PAPOLB: variants seen among roughly 807,000 people sequenced by gnomAD.
PAPOLB encodes poly(A) polymerase beta, also known as PAP-beta.
A neutral mutation model predicts 23.2 loss-of-function variants in PAPOLB; 19 were observed. The observed-to-expected ratio is 0.82, with a 90% confidence interval of 0.57 to 1.20. The LOEUF is 1.20. Ranked by LOEUF, PAPOLB falls within the 50% of genes most tolerant of loss-of-function variation. The probability of loss-of-function intolerance (pLI) is 0.00; values close to 1 mark genes in which losing one functional copy is unlikely to be tolerated. For missense variants in PAPOLB, 822 were observed against 776.8 expected, an observed-to-expected ratio of 1.06 and a Z score of -0.69; for synonymous variants, 360 against 290.7, an observed-to-expected ratio of 1.24 and a Z score of -2.43.
Position 4,860,847 on chromosome 7 carries a change from G to A in PAPOLB, c.964C>T (p.Pro322Ser). Residue 322 changes from proline (P) to serine (S), a missense_variant, in exon 1 of 1, where the codon CCA becomes TCA. Transcript: ENST00000404991. ...ACGTTGTATGTGGAGTTCTGCTGTG[G>A]GTATGCTGGTGTGATGATAGGCATA... ...HLMPIITPAY[P>S]QQNSTYNVSI... 1 of 1,614,066 alleles carries A rather than the reference G, an allele frequency of 6.2e-7. No homozygotes were observed. Among genetic ancestry groups the A allele is most frequent in the Non-Finnish European group, 8.5e-7 (1 of 1,179,992 alleles).
rs1232353624 is a variant in PAPOLB, at chr7:4,861,282, G to C, written c.529C>G (p.Gln177Glu). ...AAGTCCAAATCTTCTGGAATAGTCT[G>C]TAGTGCTAATCTTGCAAATAAAATA... ...IDILFARLALQTIPEDLDLRD... is the reference protein window; with the variant it reads ...IDILFARLALETIPEDLDLRD... Residue 177 changes from glutamine to glutamate, a missense_variant, in exon 1 of 1, where the codon CAG (glutamine) becomes GAG (glutamate). Coordinates refer to ENST00000404991, the MANE Select transcript of PAPOLB (RefSeq NM_020144.5). The C allele has an allele frequency of 1.9e-6, 3 of 1,614,010 alleles. No homozygotes were observed. Among genetic ancestry groups the C allele is most frequent in the African/African-American group, 2.7e-5 (2 of 74,954 alleles).
Position 4,861,911 on chromosome 7 carries a change from G to T in PAPOLB, c.-101C>A. 2 of 780,162 alleles carry T rather than the reference G, an allele frequency of 2.6e-6. No individual in the cohort carries two copies. Among genetic ancestry groups the T allele is most frequent in the Non-Finnish European group, 1.9e-6 (1 of 532,444 alleles). The allele number at this position is 780,162 out of a possible 1,614,324, so 48.3% of individuals were successfully genotyped here. ...CTGAGGCGGAAGGGCAGGGCTTCTA[G>T]CTGCCCTGGTCCGACCCCACTCCCA... On this transcript the variant is annotated 5_prime_UTR_variant, in exon 1 of 1. Transcript: ENST00000404991.
Position 4,860,619 on chromosome 7 carries a change from T to C in PAPOLB, c.1192A>G (p.Lys398Glu). 6.2e-7 allele frequency: 1 copy of C among 1,614,198 alleles called. No homozygotes were observed. Among genetic ancestry groups the C allele is most frequent in the East Asian group, 2.2e-5 (1 of 44,890 alleles). Residue 398 changes from lysine (K) to glutamate (E), a missense_variant, in exon 1 of 1, where the codon AAG (lysine) becomes GAG (glutamate). Physicochemically the swap from Lys to Glu is moderately conservative, Grantham distance 56 (BLOSUM62 1). Coordinates refer to ENST00000404991, the MANE Select transcript of PAPOLB (RefSeq NM_020144.5). ...AAGCTCCCAACCAGGATTCGGATCT[T>C]TGATTCCACCAAGCCCACCCATTCT... ...HLEWVGLVESKIRILVGSLEK... is the reference protein window; with the variant it reads ...HLEWVGLVESEIRILVGSLEK...
chr7:4,861,783 C>T lies in PAPOLB; in HGVS notation c.28G>A (p.Gly10Arg), dbSNP rs767568411. 1.2e-5 allele frequency: 17 copies of T among 1,472,630 alleles called. No homozygotes were observed. The highest frequency in any genetic ancestry group is 2.6e-5 in the Admixed American group (1 of 38,798). 91.2% of individuals were successfully genotyped at this position (1,472,630 alleles called of 1,614,324 possible). MMPFPVTTQGPPQPAPPPNR... is the reference protein window; with the variant it reads MMPFPVTTQRPPQPAPPPNR... ...GGCGGCGGCGCCGGCTGCGGTGGTCCCTGGGTTGTCACCGGAAACGGCATC... is the reference window on the plus strand; with the variant it reads ...GGCGGCGGCGCCGGCTGCGGTGGTCTCTGGGTTGTCACCGGAAACGGCATC... The change falls in exon 1 of 1, where the codon GGA becomes AGA. Residue 10 changes from glycine (G) to arginine (R), a missense_variant. Gly to Arg is a moderately radical substitution (Grantham distance 125). This residue lies in a region of PAPOLB where 276 missense variants were observed against 243.9 expected (regional missense o/e 1.13). Coordinates refer to ENST00000404991, the MANE Select transcript of PAPOLB (RefSeq NM_020144.5).
In PAPOLB at chr7:4,861,750, A is replaced by G. The variant is rs1784007884; in HGVS notation, c.61T>C (p.Tyr21His). 1 of 1,504,996 alleles carries G rather than the reference A, an allele frequency of 6.6e-7. No homozygotes were observed. Among genetic ancestry groups the G allele is most frequent in the Non-Finnish European group, 8.9e-7 (1 of 1,129,436 alleles). 93.2% of individuals were successfully genotyped at this position (1,504,996 alleles called of 1,614,324 possible). ...AGACTGATAGGCGAGGAGACGCCGTAGCGATTCGGCGGCGGCGCCGGCTGC... is the reference window on the plus strand; with the variant it reads ...AGACTGATAGGCGAGGAGACGCCGTGGCGATTCGGCGGCGGCGCCGGCTGC... ...PPQPAPPPNR[Y>H]GVSSPISLAV... Residue 21 changes from tyrosine to histidine, a missense_variant, in exon 1 of 1, where the codon TAC (tyrosine) becomes CAC (histidine). Tyr to His is a moderately conservative substitution (Grantham distance 83). This residue lies in a region of PAPOLB where 276 missense variants were observed against 243.9 expected (regional missense o/e 1.13). Coordinates refer to ENST00000404991, the MANE Select transcript of PAPOLB (RefSeq NM_020144.5).
chr7:4,860,336 TTTC>T lies in PAPOLB; in HGVS notation c.1472_1474del (p.Arg491del). The T allele has an allele frequency of 1.2e-6, 2 of 1,614,008 alleles. No homozygotes were observed. The highest frequency in any genetic ancestry group is 1.7e-6 in the Non-Finnish European group (2 of 1,179,858). ...ATGAGGCAGCAGCTGGTGAAGTTCC[TTTC>T]TTCTTAAATGCATTGCAGTAATTTT... On this transcript the variant is annotated inframe_deletion, in exon 1 of 1. Coordinates refer to ENST00000404991, the MANE Select transcript of PAPOLB (RefSeq NM_020144.5).
chr7:4,860,817 T>G lies in PAPOLB; in HGVS notation c.994A>C (p.Ile332Leu). The G allele has an allele frequency of 6.2e-7, 1 of 1,614,196 alleles. No homozygotes were observed. The highest frequency in any genetic ancestry group is 8.5e-7 in the Non-Finnish European group (1 of 1,180,042). ...PQQNSTYNVS[I>L]STRMVMIEEF... ...TCAATCATGACCATCCTGGTTGAAATAGACACGTTGTATGTGGAGTTCTGC... is the reference window on the plus strand; with the variant it reads ...TCAATCATGACCATCCTGGTTGAAAGAGACACGTTGTATGTGGAGTTCTGC... Residue 332 changes from isoleucine (I) to leucine (L), a missense_variant, in exon 1 of 1, where the codon ATT becomes CTT. This residue lies in a region of PAPOLB where 534 missense variants were observed against 502.8 expected (regional missense o/e 1.06). Coordinates refer to ENST00000404991, the MANE Select transcript of PAPOLB (RefSeq NM_020144.5).
In PAPOLB at chr7:4,858,158, G is replaced by A. The variant is rs1231047477; in HGVS notation, c.*1739C>T. The A allele has an allele frequency of 6.6e-6, 1 of 152,274 alleles. No homozygotes were observed. The highest frequency in any genetic ancestry group is 6.5e-5 in the Admixed American group (1 of 15,270). The allele number at this position is 152,274 out of a possible 1,614,324, so 9.4% of individuals were successfully genotyped here. A position where few individuals can be genotyped will look rare whatever the true frequency, so the allele number is the denominator to read the frequency against. On this transcript the variant is annotated 3_prime_UTR_variant, in exon 1 of 1. Coordinates refer to ENST00000404991, the MANE Select transcript of PAPOLB (RefSeq NM_020144.5). ...TAGATATCAGAAAGTAATGGTGAAA[G>A]AAAAGTCTCTACAGCATAAAAGGAC...
At position 4,861,687 on chromosome 7, in the gene PAPOLB, T is replaced by C; in HGVS notation, c.124A>G (p.Arg42Gly). 1 of 1,586,782 alleles carries C rather than the reference T, an allele frequency of 6.3e-7. No individual in the cohort carries two copies. Among genetic ancestry groups the C allele is most frequent in the Non-Finnish European group, 8.6e-7 (1 of 1,167,694 alleles). Residue 42 changes from arginine to glycine, a missense_variant, in exon 1 of 1, where the codon AGG becomes GGG. By Grantham distance (125) the Arg-to-Gly change is moderately radical (BLOSUM62 -2). Around this residue, in one of 3 missense-constraint regions of PAPOLB, gnomAD observed 276 missense variants for 243.9 expected, o/e 1.13. Transcript: ENST00000404991. ...PKETDCLLTQ[R>G]LIETLRPFGV... is the part of the protein sequence containing the mutation. ...AAGGGCCTGAGGGTTTCTATTAGCC[T>C]CTGGGTGAGGAGGCAGTCCGTCTCC...
rs984137377 is a variant in PAPOLB, at chr7:4,858,477, A to C, written c.*1420T>G. 3 of 152,608 alleles carry C rather than the reference A, an allele frequency of 2.0e-5. No homozygotes were observed. Among genetic ancestry groups the C allele is most frequent in the African/African-American group, 7.2e-5 (3 of 41,466 alleles). 9.5% of individuals were successfully genotyped at this position (152,608 alleles called of 1,614,324 possible). On this transcript the variant is annotated 3_prime_UTR_variant, in exon 1 of 1. Transcript: ENST00000404991. ...AGACTAAAAGAGCAGAAAGCCAGTA[A>C]GATGTCAAGTGCTTGCTAGAAATTA...
rs199530978 is a variant in PAPOLB at position 4,861,125 on chromosome 7, T to C, written c.686A>G (p.Lys229Arg). ...GATATTGTGGCACTTGGCCCACAGT[T>C]TGATGGCTCTCAGAGTCAGCCTGAA... ...DNFRLTLRAI[K>R]LWAKCHNIYS... The change falls in exon 1 of 1, where the codon AAA (lysine) becomes AGA (arginine). Residue 229 changes from lysine (K) to arginine (R), a missense_variant. Lys to Arg is a conservative substitution (Grantham distance 26, BLOSUM62 2). Coordinates refer to ENST00000404991, the MANE Select transcript of PAPOLB (RefSeq NM_020144.5). 265 of 1,614,232 alleles carry C rather than the reference T, an allele frequency of 1.6e-4. No individual in the cohort carries two copies. The highest frequency in any genetic ancestry group is 2.8e-4 in the Admixed American group (17 of 60,026).
rs776835946 is a variant in PAPOLB, at chr7:4,859,939, T to C, written c.1872A>G (p.Pro624=). The change falls in exon 1 of 1, where the codon CCA becomes CCG. Residue 624 remains proline (P), a synonymous_variant. Coordinates refer to ENST00000404991, the MANE Select transcript of PAPOLB (RefSeq NM_020144.5). ...TTTGTTGCTGAGTTTCCTGAAGGTCTGGATGGCTTATGAGACATGTTGAAG... is the reference window on the plus strand; with the variant it reads ...TTTGTTGCTGAGTTTCCTGAAGGTCCGGATGGCTTATGAGACATGTTGAAG... ...VVSSTCLISH[P]DLQETQQQTY... 2 of 1,613,868 alleles carry C rather than the reference T, an allele frequency of 1.2e-6. No individual in the cohort carries two copies.
chr7:4,860,298 C>G lies in PAPOLB; in HGVS notation c.1513G>C (p.Asp505His), dbSNP rs769369052. ...HQLLPHHVLQ[D>H]KKAHSTEGRR... ...CCTTCTGTTGAGTGTGCTTTCTTGT[C>G]CTGAAGCACATGATGAGGCAGCAGC... The change falls in exon 1 of 1, where the codon GAC (aspartate) becomes CAC (histidine). Residue 505 changes from aspartate (D) to histidine (H), a missense_variant. Coordinates refer to ENST00000404991, the MANE Select transcript of PAPOLB (RefSeq NM_020144.5). The G allele has an allele frequency of 6.2e-7, 1 of 1,613,800 alleles. No homozygotes were observed. Among genetic ancestry groups the G allele is most frequent in the East Asian group, 2.2e-5 (1 of 44,896 alleles).
rs529280090 is a variant in PAPOLB, at chr7:4,857,891, G to C, written c.*2006C>G. The C allele has an allele frequency of 3.9e-5, 6 of 152,644 alleles. No homozygotes were observed. In the East Asian group the frequency reaches 9.6e-4, roughly 25 times the overall value. The allele number at this position is 152,644 out of a possible 1,614,324, so 9.5% of individuals were successfully genotyped here. A position where few individuals can be genotyped will look rare whatever the true frequency, so the allele number is the denominator to read the frequency against. On this transcript the variant is annotated 3_prime_UTR_variant, in exon 1 of 1. Transcript: ENST00000404991. ...CATGAAAAAATGGTCTGACATTCAG[G>C]TAATAAAAATTAGAAATAAAAAGTC...
Position 4,861,108 on chromosome 7 carries a change from G to A in PAPOLB, c.703C>T (p.His235Tyr). ...LRAIKLWAKC[H>Y]NIYSNILGFL... is the part of the protein sequence containing the mutation. ...CCTAATATATTGGAATAGATATTGT[G>A]GCACTTGGCCCACAGTTTGATGGCT... Residue 235 changes from histidine (H) to tyrosine (Y), a missense_variant, in exon 1 of 1, where the codon CAC becomes TAC. Physicochemically the swap from His to Tyr is moderately conservative, Grantham distance 83. Around this residue, in one of 3 missense-constraint regions of PAPOLB, gnomAD observed 534 missense variants for 502.8 expected, o/e 1.06. Transcript: ENST00000404991. The A allele has an allele frequency of 6.2e-7, 1 of 1,614,198 alleles. No individual in the cohort carries two copies. Among genetic ancestry groups the A allele is most frequent in the Non-Finnish European group, 8.5e-7 (1 of 1,180,020 alleles).
Position 4,860,827 on chromosome 7 carries a change from G to C in PAPOLB, c.984C>G (p.Tyr328Ter). 1.2e-6 allele frequency: 2 copies of C among 1,614,148 alleles called. No individual in the cohort carries two copies. Among genetic ancestry groups the C allele is most frequent in the Non-Finnish European group, 1.7e-6 (2 of 1,180,024 alleles). The change falls in exon 1 of 1, where the codon TAC (tyrosine) becomes TAG (stop). Residue 328 changes from tyrosine to a stop codon, truncating the protein, a stop_gained. Transcript: ENST00000404991. LOFTEE classifies it high-confidence loss of function. ...TPAYPQQNST[Y>*]NVSISTRMVM... ...CCATCCTGGTTGAAATAGACACGTTGTATGTGGAGTTCTGCTGTGGGTATG... is the reference window on the plus strand; with the variant it reads ...CCATCCTGGTTGAAATAGACACGTTCTATGTGGAGTTCTGCTGTGGGTATG...
rs780454400 is a variant in PAPOLB, at chr7:4,861,120, A to G, written c.691T>C (p.Trp231Arg). 6.2e-7 allele frequency: 1 copy of G among 1,614,094 alleles called. No homozygotes were observed. The highest frequency in any genetic ancestry group is 1.7e-5 in the Admixed American group (1 of 60,006). ...FRLTLRAIKL[W>R]AKCHNIYSNI... is the part of the protein sequence containing the mutation. The stretch of plus-strand genomic sequence containing the variant: ...GAATAGATATTGTGGCACTTGGCCC[A>G]CAGTTTGATGGCTCTCAGAGTCAGC... Residue 231 changes from tryptophan (W) to arginine (R), a missense_variant, in exon 1 of 1, where the codon TGG (tryptophan) becomes CGG (arginine). By Grantham distance (101) the Trp-to-Arg change is moderately radical. Coordinates refer to ENST00000404991, the MANE Select transcript of PAPOLB (RefSeq NM_020144.5).
rs1286920404 is a variant in PAPOLB, at chr7:4,861,484, A to G, written c.327T>C (p.His109=). 6.2e-7 allele frequency: 1 copy of G among 1,614,002 alleles called. No individual in the cohort carries two copies. The highest frequency in any genetic ancestry group is 1.3e-5 in the African/African-American group (1 of 74,938). ...AGGCGTCAATATCTGCGCCTTTCGT[A>G]TGTACTCCTAATCTGTAAGAGCCAA... ...FTFGSYRLGV[H]TKGADIDALC... The change falls in exon 1 of 1, where the codon CAT becomes CAC. Residue 109 remains histidine, a synonymous_variant. Coordinates refer to ENST00000404991, the MANE Select transcript of PAPOLB (RefSeq NM_020144.5).
At position 4,861,057 on chromosome 7, in the gene PAPOLB, T is replaced by G. The variant is rs1783978176; in HGVS notation, c.754A>C (p.Met252Leu). The G allele has an allele frequency of 6.2e-7, 1 of 1,614,130 alleles. No individual in the cohort carries two copies. Among genetic ancestry groups the G allele is most frequent in the South Asian group, 1.1e-5 (1 of 91,092 alleles). The change falls in exon 1 of 1, where the codon ATG becomes CTG. Residue 252 changes from methionine to leucine, a missense_variant. By Grantham distance (15) the Met-to-Leu change is conservative. Transcript: ENST00000404991. ...AGCTGACAAGTTCTTGCTACTAGCA[T>G]GGCCCAGGAAACACCTCCGAGGAAA... ...LGFLGGVSWA[M>L]LVARTCQLYP...
Sources: gnomAD v4.1 joint callset for allele counts on GRCh38, gnomAD v4.1.1 for gene constraint, gnomAD v4.1.1 regional missense constraint, MANE v1.5 for transcripts, NCBI Gene and HGNC (gene_info 2026-07-23, HGNC 2026-07-21) for gene names.